The following RNF17 variants were observed in gnomAD, a reference collection of about 807,000 sequenced individuals.
RNF17 encodes spermatogenesis associated 23.
A neutral mutation model predicts 200.5 loss-of-function variants in RNF17; 31 were observed. That is an observed-to-expected ratio of 0.15 (90% CI 0.12 to 0.21). The LOEUF is 0.21. RNF17 is among the 10% of genes least tolerant of loss of function. The probability of loss-of-function intolerance (pLI) is 1.00; values close to 1 mark genes in which losing one functional copy is unlikely to be tolerated. For missense variants in RNF17, 1,628 were observed against 1,905.1 expected (o/e 0.85, Z 2.71); for synonymous variants, 606 against 637.8 (o/e 0.95, Z 0.75).
intron 16 of RNF17, among the ~76,000 whole-genome samples, chr13:24,827,619 G>A (rs1442070682): frequency 7.0e-6 from 1 of 142,088 alleles, no homozygotes; most frequent in East Asian, 2.2e-4. Flanking sequence ...GGAGAATGGC[G>A]TGAACCCGGG....
intron 16 of RNF17, among the ~76,000 whole-genome samples, chr13:24,826,280 A>T (rs1888626134): frequency 6.6e-6 from 1 of 152,216 alleles, no homozygotes; most frequent in Non-Finnish European, 1.5e-5. Context: ...AAAAAGTGGG[A>T]TTGAAGACAG....
Position 24,793,313 on chromosome 13 carries a change from A to G in RNF17, c.1207A>G (p.Ile403Val). 2.5e-6 allele frequency: 4 copies of G among 1,590,492 alleles called. No individual in the cohort carries two copies. The highest frequency in any genetic ancestry group is 3.4e-6 in the Non-Finnish European group (4 of 1,172,188). The change falls in exon 10 of 36, where the codon ATA (isoleucine) becomes GTA (valine). Residue 403 changes from isoleucine (I) to valine (V), a missense_variant. Coordinates refer to ENST00000255324, the MANE Select transcript of RNF17 (RefSeq NM_031277.3). ...LPQMGSSPDVIIEEIIEDNVE... is the reference protein window; with the variant it reads ...LPQMGSSPDVVIEEIIEDNVE... ...TCAGATGGGATCTAGCCCTGATGTG[A>G]TAATTGAAGAAATTATTGAAGACAA...
rs1489336039 is a variant in RNF17 at position 24,807,631 on chromosome 13, CAGA to C, written c.2091+3205_2091+3207del. Among the ~76,000 whole-genome samples, 3 of 152,150 alleles carry C rather than the reference CAGA, an allele frequency of 2.0e-5. No individual in the cohort carries two copies. In the South Asian group the frequency reaches 6.2e-4, roughly 32 times the overall value. On this transcript the variant is annotated intron_variant, in intron 15 of 35. Transcript: ENST00000255324. Reference sequence around the variant, plus strand: ...TCTGATGGTAGTTTCTTTTGCTGTGCAGAAGCTCTTTAGTTTAATTAGATCCCA... The same window carrying C: ...TCTGATGGTAGTTTCTTTTGCTGTGCAGCTCTTTAGTTTAATTAGATCCCA...
chr13:24,761,059 A>G (rs1245474965), upstream of RNF17, among the ~76,000 whole-genome samples: 1 of 152,242 alleles, frequency 6.6e-6, no homozygotes, highest in Non-Finnish European at 1.5e-5. Flanking sequence ...GGGAAACAGT[A>G]TAAATTATTT....
At chr13:24,812,923 C>T (rs1474760437) in intron 15 of RNF17, among the ~76,000 whole-genome samples, 1 of 151,958 alleles carries the variant, frequency 6.6e-6, no homozygotes, top group Non-Finnish European at 1.5e-5. Flanking sequence ...ACTTTGTGAT[C>T]CACCCGCCTC....
chr13:24,832,079 A>G, intron 18 of RNF17, 101 bp downstream of exon 18: 1 of 775,460 alleles, frequency 1.3e-6, no homozygotes, highest in Non-Finnish European at 2.0e-6. Flanking sequence ...TGCCATCAGT[A>G]GTGGTGGTGA....
At chr13:24,748,906 T>A in the RNF17 span, among the ~76,000 whole-genome samples, 1 of 151,998 alleles carries the variant, frequency 6.6e-6, no homozygotes, top group African/African-American at 2.4e-5. Flanking sequence ...TGTGCCACCA[T>A]GCCCGGCTAA....
intron 26 of RNF17, 48 bp from the exon 27 acceptor site, chr13:24,861,220 G>C: frequency 6.8e-7 from 1 of 1,476,770 alleles, no homozygotes; most frequent in South Asian, 1.2e-5. Flanking sequence ...TTGTCCCCTA[G>C]CTTTTAATAA....
At chr13:24,818,479 A>G (rs1198046353) in intron 15 of RNF17, among the ~76,000 whole-genome samples, 1 of 152,192 alleles carries the variant, frequency 6.6e-6, no homozygotes, top group Non-Finnish European at 1.5e-5. Flanking sequence ...AAAGTGGAAT[A>G]TTAAAGCCTT....
intron 24 of RNF17, among the ~76,000 whole-genome samples, chr13:24,853,649 C>T (rs1315312081): frequency 6.6e-6 from 1 of 152,070 alleles, no homozygotes; most frequent in Non-Finnish European, 1.5e-5. Flanking sequence ...AAATTTAAAA[C>T]ATTTACTTAA....
intron 7 of RNF17, among the ~76,000 whole-genome samples, chr13:24,788,669 C>T (rs1307204684): frequency 1.3e-5 from 2 of 152,138 alleles, no homozygotes; most frequent in Non-Finnish European, 2.9e-5. Context: ...CATCTCCTAT[C>T]ATCTAATCAT....
At chr13:24,872,471 G>A (rs568382055) in intron 32 of RNF17, among the ~76,000 whole-genome samples, 77 of 152,226 alleles carry the variant, frequency 5.1e-4, no homozygotes, top group Non-Finnish European at 6.6e-4. Context: ...AAGGATGTAC[G>A]AAGGGAAGTA....
At chr13:24,798,190 G>A (rs1044980398) in intron 11 of RNF17, among the ~76,000 whole-genome samples, 1 of 152,148 alleles carries the variant, frequency 6.6e-6, no homozygotes, top group African/African-American at 2.4e-5. Flanking sequence ...TAAGTTTGAT[G>A]ATGTTTTTGT....
chr13:24,842,190 A>T lies in RNF17; in HGVS notation c.2603+29A>T, dbSNP rs1388028549. On this transcript the variant is annotated intron_variant, in intron 19 of 35. Coordinates refer to ENST00000255324, the MANE Select transcript of RNF17 (RefSeq NM_031277.3). ...AGTAGATATGTAAACTTTCATTGTT[A>T]GTTCATGTTCTTATGTAACATTGTA... is the stretch of plus-strand genomic sequence containing the variant. 4 of 1,559,532 alleles carry T rather than the reference A, an allele frequency of 2.6e-6. No homozygotes were observed. The African/African-American group carries it at 4.1e-5, about 16-fold the overall frequency.
Position 24,866,208 on chromosome 13 carries a change from G to A in RNF17, c.4161+5G>A, listed in dbSNP as rs1160807520. 1.3e-6 allele frequency: 2 copies of A among 1,513,072 alleles called. No homozygotes were observed. The highest frequency in any genetic ancestry group is 1.8e-6 in the Non-Finnish European group (2 of 1,093,094). 93.7% of individuals were successfully genotyped at this position (1,513,072 alleles called of 1,614,324 possible). A position where few individuals can be genotyped will look rare whatever the true frequency, so the allele number is the denominator to read the frequency against. ...CAATGGGAAATAAGGTTTGAGGTAA[G>A]TAACAATCCAAGTATTTTGGAAACT... On this transcript the variant is annotated splice_donor_5th_base_variant and intron_variant, in intron 30 of 35. Transcript: ENST00000255324.
rs1268490725 is a variant in RNF17, at chr13:24,802,569, A to G, written c.1947A>G (p.Ala649=). The change falls in exon 14 of 36, where the codon GCA becomes GCG. Residue 649 remains alanine (A), a splice_region_variant and synonymous_variant. Transcript: ENST00000255324. The part of the protein sequence containing the change: ...LRDALVFMEL[A]KFKSQSLRSH... ...ATGCGCTAGTTTTTATGGAACTAGC[A>G]AAGTAAGTAACTTATTAAAACTTAA... 2.5e-6 allele frequency: 4 copies of G among 1,598,736 alleles called. No individual in the cohort carries two copies. The highest frequency in any genetic ancestry group is 3.4e-6 in the Non-Finnish European group (4 of 1,172,966).
chr13:24,834,548 C>G (rs1889760779), intron 18 of RNF17, among the ~76,000 whole-genome samples: 1 of 152,226 alleles, frequency 6.6e-6, no homozygotes, highest in Non-Finnish European at 1.5e-5. Flanking sequence ...AGACCCTCCT[C>G]TCCTGAAAAC....
At chr13:24,758,451 C>T in the RNF17 span, among the ~76,000 whole-genome samples, 1 of 152,056 alleles carries the variant, frequency 6.6e-6, no homozygotes, top group African/African-American at 2.4e-5. Flanking sequence ...AATAGATACA[C>T]CATAGATATG....
intron 13 of RNF17, among the ~76,000 whole-genome samples, chr13:24,801,296 TTG>T (rs1432051418): frequency 6.6e-6 from 1 of 152,240 alleles, no homozygotes; most frequent in Admixed American, 6.5e-5. Flanking sequence ...ATTTCTGGTT[TTG>T]ATCCTGAAAT....
Sources: gnomAD v4.1 joint callset for allele counts (sites outside exome capture counted in the v4.1 genomes callset) on GRCh38, gnomAD v4.1.1 for gene constraint, MANE v1.5 for transcripts, NCBI Gene and HGNC (gene_info 2026-07-23, HGNC 2026-07-21) for gene names.